Variants in ZBTB7C observed in about 807,000 individuals in gnomAD.
The protein encoded by ZBTB7C is zinc finger and BTB domain containing 7C.
In ZBTB7C, 8 loss-of-function variants were observed where a neutral mutation model predicts 25.7. The ratio of observed to expected loss-of-function variants is 0.31; its 90% CI spans 0.18 to 0.56. ZBTB7C has a LOEUF of 0.56. Ranked by LOEUF, ZBTB7C falls within the 20% of genes least tolerant of loss-of-function variation. The pLI, the probability that ZBTB7C is intolerant of heterozygous loss-of-function variation, is 0.91. For missense variants in ZBTB7C, 824 were observed against 855.2 expected (o/e 0.96, Z 0.46); for synonymous variants, 394 against 369.0 (o/e 1.07, Z -0.78).
intron 3 of ZBTB7C, 41 bp downstream of exon 3, chr18:48,185,893 T>C (rs776259958): frequency 6.6e-6 from 1 of 152,228 alleles, no homozygotes; most frequent in Non-Finnish European, 1.5e-5. Context: ...CCCAGGAACA[T>C]TGTTAAGCCA....
At chr18:48,213,206 G>A (rs2042743194) in intron 2 of ZBTB7C, among the ~76,000 whole-genome samples, 1 of 152,244 alleles carries the variant, frequency 6.6e-6, no homozygotes, top group African/African-American at 2.4e-5. Flanking sequence ...TTTTGCCCTA[G>A]ACACAATCCT....
chr18:48,410,934 T>A (rs912444862), upstream of ZBTB7C, among the ~76,000 whole-genome samples: 2 of 152,226 alleles, frequency 1.3e-5, no homozygotes, highest in Non-Finnish European at 2.9e-5. Context: ...AAAAGGGCAG[T>A]GGGGCTGCTG....
At chr18:48,138,432 C>G (rs1223628353) in intron 3 of ZBTB7C, among the ~76,000 whole-genome samples, 1 of 152,234 alleles carries the variant, frequency 6.6e-6, no homozygotes, top group Non-Finnish European at 1.5e-5. Context: ...GGTCGGGTCT[C>G]TCTCTGTGGT....
intron 1 of ZBTB7C, among the ~76,000 whole-genome samples, chr18:48,387,284 G>A (rs948001775): frequency 6.6e-6 from 1 of 152,198 alleles, no homozygotes; most frequent in Non-Finnish European, 1.5e-5. Flanking sequence ...GAAAGGTAAA[G>A]TGTGCCGAAT....
chr18:48,398,186 G>A (rs2048071979), intron 1 of ZBTB7C, among the ~76,000 whole-genome samples: 1 of 152,236 alleles, frequency 6.6e-6, no homozygotes, highest in Non-Finnish European at 1.5e-5. Flanking sequence ...TACACACAGG[G>A]ACAAGTCCTG....
intron 2 of ZBTB7C, among the ~76,000 whole-genome samples, chr18:48,298,279 C>CAA (rs35832838): frequency 0.028 from 3,397 of 120,986 alleles, 94 homozygotes; most frequent in East Asian, 0.12. Context: ...GACTCTGTCT[C>CAA]AAAAAAAAAA....
Position 48,053,056 on chromosome 18 carries a change from C to T in ZBTB7C, c.-16-11933G>A, listed in dbSNP as rs376735045. ...GAACACACGTTGGACTTTCAGATGA[C>T]GAGTGTTCTACAAGGTCAAGGTGGG... On this transcript the variant is annotated intron_variant, in intron 3 of 4. Coordinates refer to ENST00000590800, the MANE Select transcript of ZBTB7C (RefSeq NM_001318841.2). Among the ~76,000 whole-genome samples, 139 of 152,208 alleles carry T rather than the reference C, an allele frequency of 9.1e-4. 5 individuals carry two copies. In the South Asian group the frequency reaches 0.027, roughly 30 times the overall value.
chr18:48,224,683 T>C (rs1309253864), intron 2 of ZBTB7C, among the ~76,000 whole-genome samples: 2 of 152,202 alleles, frequency 1.3e-5, no homozygotes, highest in Non-Finnish European at 2.9e-5. Flanking sequence ...TTACTAGCCA[T>C]GGGCAAGCCA....
At chr18:48,350,954 T>C (rs1281026766) in intron 1 of ZBTB7C, among the ~76,000 whole-genome samples, 1 of 151,892 alleles carries the variant, frequency 6.6e-6, no homozygotes, top group African/African-American at 2.4e-5. Flanking sequence ...GACTCTTAAG[T>C]TGTTTATAAT....
chr18:48,123,820 C>T (rs1463673575), intron 3 of ZBTB7C, among the ~76,000 whole-genome samples: 3 of 152,042 alleles, frequency 2.0e-5, no homozygotes, highest in African/African-American at 7.2e-5. Context: ...TAGAAATGAT[C>T]GTGTATATTT....
Position 48,040,895 on chromosome 18 carries a change from C to T in ZBTB7C, c.213G>A (p.Gln71=). 1.2e-6 allele frequency: 2 copies of T among 1,614,192 alleles called. No individual in the cohort carries two copies. The highest frequency in any genetic ancestry group is 3.3e-5 in the Admixed American group (2 of 60,024). The stretch of plus-strand genomic sequence containing the variant: ...CAAAGTCGATCTCATAGACGTAGGG[C>T]TGGCTGGCTAGGGTGCCGGCTGTGA... ...KLFTAGTLAS[Q]PYVYEIDFVQ... is the part of the protein sequence containing the mutation. The change falls in exon 4 of 5, where the codon CAG becomes CAA. Residue 71 remains glutamine (Q), a synonymous_variant. Transcript: ENST00000590800.
chr18:48,277,194 T>A (rs1403942995), intron 2 of ZBTB7C, among the ~76,000 whole-genome samples: 3 of 144,000 alleles, frequency 2.1e-5, no homozygotes, highest in Non-Finnish European at 4.5e-5. Flanking sequence ...GAAACTACCA[T>A]CAGAGTGAAC....
At position 48,069,240 on chromosome 18, in the gene ZBTB7C, A is replaced by G. The variant is rs1417489641; in HGVS notation, c.-16-28117T>C. On this transcript the variant is annotated intron_variant, in intron 3 of 4. Transcript: ENST00000590800. ...TGTTCCTGTGGGTGGCACGCCTGTT[A>G]CCTTTCTCAATTCTCACCACAATCG... Among the ~76,000 whole-genome samples, 4 of 152,122 alleles carry G rather than the reference A, an allele frequency of 2.6e-5. No homozygotes were observed. The East Asian group carries it at 7.7e-4, about 29-fold the overall frequency.
intron 2 of ZBTB7C, among the ~76,000 whole-genome samples, chr18:48,276,966 T>C (rs924478508): frequency 2.0e-5 from 3 of 149,928 alleles, no homozygotes; most frequent in Non-Finnish European, 1.5e-5. Context: ...GCACCTGTTG[T>C]TTCCTGACTT....
chr18:48,110,092 C>A (rs1432742968), intron 3 of ZBTB7C, among the ~76,000 whole-genome samples: 1 of 152,194 alleles, frequency 6.6e-6, no homozygotes, highest in Non-Finnish European at 1.5e-5. Context: ...TCTGTATGCG[C>A]TTTATTGAAT....
intron 2 of ZBTB7C, among the ~76,000 whole-genome samples, chr18:48,318,895 C>T (rs1470446778): frequency 6.6e-6 from 1 of 152,214 alleles, no homozygotes; most frequent in African/African-American, 2.4e-5. Context: ...TTCCCCTCCC[C>T]TGGCAACCAA....
intron 3 of ZBTB7C, among the ~76,000 whole-genome samples, chr18:48,131,883 T>G (rs559660633): frequency 5.8e-4 from 89 of 152,148 alleles, no homozygotes; most frequent in Non-Finnish European, 9.3e-4. Flanking sequence ...GGCCATATTA[T>G]CAACAAGTGT....
chr18:48,345,599 G>A (rs56742486), intron 1 of ZBTB7C, among the ~76,000 whole-genome samples: 25,937 of 151,892 alleles, frequency 0.17, 2,425 homozygotes, highest in African/African-American at 0.23. Flanking sequence ...GCTCCTGGGC[G>A]GGTATTTCAG....
At chr18:48,045,074 G>A (rs2036415253) in intron 3 of ZBTB7C, among the ~76,000 whole-genome samples, 1 of 152,250 alleles carries the variant, frequency 6.6e-6, no homozygotes. Flanking sequence ...CACGTAATGA[G>A]TGGCCCAGAC....
Sources: allele counts gnomAD v4.1 joint callset (sites outside exome capture counted in the v4.1 genomes callset), GRCh38; gene constraint gnomAD v4.1.1; transcripts MANE v1.5; gene names NCBI Gene and HGNC (gene_info 2026-07-23, HGNC 2026-07-21).